TMC1: variants seen among roughly 807,000 people sequenced by gnomAD.
TMC1 encodes transmembrane channel-like protein 1.
Under a neutral mutation model 105.8 loss-of-function variants are expected in TMC1, and 84 were observed. The observed-to-expected ratio is 0.79, with a 90% confidence interval of 0.67 to 0.95. The LOEUF is 0.95. TMC1 is among the 40% of genes least tolerant of loss of function. The pLI is 0.00. For missense variants in TMC1, 817 were observed against 914.1 expected (o/e 0.89, Z 1.37); for synonymous variants, 315 against 311.5 (o/e 1.01, Z -0.12).
At chr9:72,800,569 C>T (rs1471063053) in intron 17 of TMC1, among the ~76,000 whole-genome samples, 1 of 151,786 alleles carries the variant, frequency 6.6e-6, no homozygotes, top group Non-Finnish European at 1.5e-5. Flanking sequence ...TAGTCCCACA[C>T]ATACTGACTT....
intron 18 of TMC1, among the ~76,000 whole-genome samples, chr9:72,809,892 A>G (rs2118257856): frequency 6.6e-6 from 1 of 152,210 alleles, no homozygotes; most frequent in East Asian, 1.9e-4. Flanking sequence ...CAAGCTCCCG[A>G]TATAAATAGA....
At chr9:72,776,139 T>G (rs1828002119) in intron 13 of TMC1, among the ~76,000 whole-genome samples, 1 of 152,118 alleles carries the variant, frequency 6.6e-6, no homozygotes, top group African/African-American at 2.4e-5. Flanking sequence ...ATAATAATAC[T>G]CATAGAATGG....
intron 7 of TMC1, among the ~76,000 whole-genome samples, chr9:72,697,107 G>A (rs2589613): frequency 0.51 from 77,874 of 151,924 alleles, 21,282 homozygotes; most frequent in African/African-American, 0.73. Flanking sequence ...CCAATCTGGG[G>A]TCATTTAGTA....
intron 10 of TMC1, among the ~76,000 whole-genome samples, chr9:72,744,305 A>G (rs1827450540): frequency 6.6e-6 from 1 of 152,152 alleles, no homozygotes; most frequent in South Asian, 2.1e-4. Flanking sequence ...CTCCCAATAG[A>G]TGGGAAATTT....
chr9:72,565,504 T>A (rs1319848302), intron 1 of TMC1, among the ~76,000 whole-genome samples: 2 of 152,092 alleles, frequency 1.3e-5, no homozygotes, highest in Non-Finnish European at 2.9e-5. Flanking sequence ...GTTAGGAAAA[T>A]GTTTATTTTT....
At chr9:72,816,942 C>A (rs1828797469) in intron 19 of TMC1, 1 of 152,276 alleles carries the variant, frequency 6.6e-6, no homozygotes, top group Non-Finnish European at 1.5e-5. Context: ...AGATTTCCAG[C>A]CTACAAGCAG....
At chr9:72,705,111 A>G (rs1224100858) in intron 8 of TMC1, among the ~76,000 whole-genome samples, 1 of 152,196 alleles carries the variant, frequency 6.6e-6, no homozygotes, top group East Asian at 1.9e-4. Flanking sequence ...CTGTATGACT[A>G]GATCTTTCCT....
rs1284827861 is a variant in TMC1, at chr9:72,823,847, A to T, written c.2003+2766A>T. ...CTTACTGCAAAGATAATATGTGTTT[A>T]TGCTAGAAAACCTAAACATTGTAGA... is the stretch of plus-strand genomic sequence containing the variant. On this transcript the variant is annotated intron_variant, in intron 20 of 23. Coordinates refer to ENST00000297784, the MANE Select transcript of TMC1 (RefSeq NM_138691.3). Among the ~76,000 whole-genome samples the T allele has an allele frequency of 2.0e-5, 3 of 152,232 alleles. No individual in the cohort carries two copies. In the East Asian group the frequency reaches 5.8e-4, roughly 29 times the overall value.
At chr9:72,635,652 C>T (rs547529253) in intron 4 of TMC1, among the ~76,000 whole-genome samples, 6 of 152,072 alleles carry the variant, frequency 3.9e-5, no homozygotes, top group Admixed American at 6.5e-5. Flanking sequence ...TGGGAAACTT[C>T]GAGAATGAGG....
At chr9:72,550,657 CAA>C (rs71493659) in intron 1 of TMC1, among the ~76,000 whole-genome samples, 25 of 61,788 alleles carry the variant, frequency 4.0e-4, no homozygotes, top group African/African-American at 1.5e-3. Flanking sequence ...GACTCCATCT[CAA>C]AAAAAAAAAA....
chr9:72,684,164 A>T (rs140299568), intron 5 of TMC1, among the ~76,000 whole-genome samples: 8 of 152,200 alleles, frequency 5.3e-5, no homozygotes, highest in African/African-American at 1.9e-4. Flanking sequence ...CTACATCTTC[A>T]ATTTCTCAAT....
chr9:72,639,356 C>T (rs766308736), intron 4 of TMC1, among the ~76,000 whole-genome samples: 41 of 152,230 alleles, frequency 2.7e-4, no homozygotes, highest in Non-Finnish European at 3.2e-4. Context: ...ATTTGAAACA[C>T]GGCCCACACA....
intron 7 of TMC1, among the ~76,000 whole-genome samples, chr9:72,699,985 G>A (rs1295872786): frequency 2.3e-4 from 31 of 134,566 alleles, no homozygotes; most frequent in African/African-American, 8.2e-4. Context: ...AAAAAAGCCC[G>A]GCTTATGCCT....
At chr9:72,719,836 A>G (rs182713128) in intron 8 of TMC1, among the ~76,000 whole-genome samples, 3 of 152,294 alleles carry the variant, frequency 2.0e-5, no homozygotes, top group Non-Finnish European at 2.9e-5. Context: ...CATCTGCAGA[A>G]TGGAGAGTAT....
chr9:72,755,055 G>T (rs865935685), intron 12 of TMC1, among the ~76,000 whole-genome samples, 171 bp downstream of exon 12: 1 of 104,856 alleles, frequency 9.5e-6, no homozygotes. Flanking sequence ...AGAGAGAGAG[G>T]GAGGGAGGGA....
In TMC1 at chr9:72,544,940, C is replaced by T. The variant is rs370705905; in HGVS notation, c.-428+23027C>T. The stretch of plus-strand genomic sequence containing the variant: ...GTGTAGCTTTTTATCCTTCACCCCC[C>T]CAAGTCTTTCCCTGAGTTCCCAAAG... On this transcript the variant is annotated intron_variant, in intron 1 of 23. Transcript: ENST00000297784. Among the ~76,000 whole-genome samples the T allele has an allele frequency of 1.3e-5, 2 of 152,100 alleles. 1 individual carries two copies. Among genetic ancestry groups the T allele is most frequent in the South Asian group, 4.2e-4 (2 of 4,814 alleles).
intron 8 of TMC1, among the ~76,000 whole-genome samples, chr9:72,717,032 C>T (rs1228769827): frequency 6.6e-6 from 1 of 152,194 alleles, no homozygotes; most frequent in Admixed American, 6.5e-5. Context: ...TGATCCCTTG[C>T]ACTTCCTGGG....
chr9:72,581,973 T>C (rs1824482209), intron 2 of TMC1, among the ~76,000 whole-genome samples: 1 of 152,358 alleles, frequency 6.6e-6, no homozygotes, highest in Middle Eastern at 3.4e-3. Context: ...TTTTCTTTTT[T>C]TGAGACGGAG....
intron 2 of TMC1, among the ~76,000 whole-genome samples, chr9:72,606,982 CATATATAT>C (rs144223921): frequency 7.0e-6 from 1 of 142,002 alleles, no homozygotes; most frequent in African/African-American, 2.6e-5. Flanking sequence ...TGTGTGTGTG[CATATATAT>C]ATATATATAT....
Sources: gnomAD v4.1 joint callset for allele counts (sites outside exome capture counted in the v4.1 genomes callset) on GRCh38, gnomAD v4.1.1 for gene constraint, MANE v1.5 for transcripts, NCBI Gene and HGNC (gene_info 2026-07-23, HGNC 2026-07-21) for gene names.